Variants in COL26A1 observed in about 807,000 individuals in gnomAD.
COL26A1 encodes collagen alpha-1(XXVI) chain.
In COL26A1, 41 loss-of-function variants were observed where a neutral mutation model predicts 59.3. The ratio of observed to expected loss-of-function variants is 0.69; its 90% CI spans 0.54 to 0.90. The LOEUF (loss-of-function observed/expected upper bound fraction) is 0.90, where lower values mean the gene tolerates loss of function less well. Ranked by LOEUF, COL26A1 falls within the 40% of genes least tolerant of loss-of-function variation. The pLI, the probability that COL26A1 is intolerant of heterozygous loss-of-function variation, is 0.00. For missense variants in COL26A1, 612 were observed against 602.3 expected, an observed-to-expected ratio of 1.02 and a Z score of -0.17; for synonymous variants, 266 against 256.0, an observed-to-expected ratio of 1.04 and a Z score of -0.37.
At chr7:101,548,183 C>T (rs931651396) in intron 8 of COL26A1, among the ~76,000 whole-genome samples, 1 of 152,152 alleles carries the variant, frequency 6.6e-6, no homozygotes, top group Non-Finnish European at 1.5e-5. Context: ...TGACATTTGT[C>T]CCCTGGAGTG....
At chr7:101,453,045 C>T (rs1793382349) in intron 3 of COL26A1, among the ~76,000 whole-genome samples, 3 of 152,150 alleles carry the variant, frequency 2.0e-5, no homozygotes, top group Non-Finnish European at 4.4e-5. Flanking sequence ...GCCACTGTGC[C>T]CGGTCTAAAA....
intron 2 of COL26A1, among the ~76,000 whole-genome samples, chr7:101,427,318 C>T (rs920280571): frequency 3.9e-5 from 6 of 152,120 alleles, no homozygotes. Flanking sequence ...CCACTTCAGC[C>T]TCCTGAGTAG....
intron 3 of COL26A1, among the ~76,000 whole-genome samples, chr7:101,495,261 C>G (rs1025877406): frequency 6.6e-6 from 1 of 152,144 alleles, no homozygotes; most frequent in Admixed American, 6.6e-5. Flanking sequence ...TGCTGGAGAC[C>G]CTGGTAGTCA....
chr7:101,399,731 T>G (rs938200060), intron 1 of COL26A1, among the ~76,000 whole-genome samples: 1 of 152,208 alleles, frequency 6.6e-6, no homozygotes, highest in Admixed American at 6.5e-5. Flanking sequence ...AGTGCTAGGA[T>G]TACAGGCGTG....
intron 1 of COL26A1, among the ~76,000 whole-genome samples, chr7:101,408,732 C>T (rs1030943764): frequency 2.0e-5 from 3 of 152,178 alleles, no homozygotes; most frequent in Non-Finnish European, 2.9e-5. Flanking sequence ...CAGTGCAGGA[C>T]TTCATATTTG....
At chr7:101,419,485 G>T (rs1054549725) in intron 1 of COL26A1, among the ~76,000 whole-genome samples, 2 of 152,104 alleles carry the variant, frequency 1.3e-5, no homozygotes, top group Non-Finnish European at 2.9e-5. Flanking sequence ...TTACACCGCT[G>T]CTTCCCCTGC....
At position 101,426,845 on chromosome 7, in the gene COL26A1, C is replaced by T. The variant is rs73179300; in HGVS notation, c.281+6746C>T. On this transcript the variant is annotated intron_variant, in intron 2 of 12. Coordinates refer to ENST00000313669, the MANE Select transcript of COL26A1 (RefSeq NM_001278563.3). Reference sequence around the variant, plus strand: ...GCACGTCAGCCGAGGCAGCTCCCAGCGGGCAGTTCTGGCCTAGGCATGCCT... The same window carrying T: ...GCACGTCAGCCGAGGCAGCTCCCAGTGGGCAGTTCTGGCCTAGGCATGCCT... Among the ~76,000 whole-genome samples, 269 of 152,244 alleles carry T rather than the reference C, an allele frequency of 1.8e-3. 3 individuals are homozygous for T. The Middle Eastern group carries it at 0.031, about 17-fold the overall frequency.
intron 2 of COL26A1, among the ~76,000 whole-genome samples, chr7:101,444,433 G>C (rs1174954558): frequency 1.1e-5 from 1 of 87,780 alleles, no homozygotes; most frequent in East Asian, 3.2e-4. Context: ...TTTTTTTTTT[G>C]AGACAGAGTT....
chr7:101,534,598 C>T (rs1337883674), intron 4 of COL26A1, among the ~76,000 whole-genome samples: 2 of 151,492 alleles, frequency 1.3e-5, no homozygotes, highest in Non-Finnish European at 2.9e-5. Flanking sequence ...TGCACGGATA[C>T]TCAGGCATAC....
intron 2 of COL26A1, among the ~76,000 whole-genome samples, chr7:101,440,952 G>C (rs903476181): frequency 6.7e-6 from 1 of 150,146 alleles, no homozygotes; most frequent in African/African-American, 2.5e-5. Flanking sequence ...ACTCCAGCCT[G>C]GCGACAGAGA....
intron 3 of COL26A1, among the ~76,000 whole-genome samples, chr7:101,523,179 C>T (rs1289782661): frequency 2.6e-5 from 4 of 151,894 alleles, no homozygotes; most frequent in Non-Finnish European, 5.9e-5. Flanking sequence ...AAGCCATTCT[C>T]CTGCCTCAGT....
At chr7:101,526,333 G>A (rs1795248169) in intron 3 of COL26A1, among the ~76,000 whole-genome samples, 3 of 152,184 alleles carry the variant, frequency 2.0e-5, no homozygotes, top group South Asian at 4.1e-4. Flanking sequence ...ATAAGCATAA[G>A]CCACTGCTCC....
At chr7:101,456,536 T>C (rs1793477210) in intron 3 of COL26A1, among the ~76,000 whole-genome samples, 1 of 152,018 alleles carries the variant, frequency 6.6e-6, no homozygotes, top group African/African-American at 2.4e-5. Context: ...TGGTGGCACA[T>C]GCCTCTAATC....
intron 3 of COL26A1, among the ~76,000 whole-genome samples, chr7:101,517,550 G>A (rs1000159944): frequency 1.5e-4 from 23 of 152,116 alleles, no homozygotes; most frequent in Non-Finnish European, 2.4e-4. Context: ...CAGATCTCGC[G>A]AGACTTACTC....
intron 3 of COL26A1, among the ~76,000 whole-genome samples, chr7:101,496,457 C>T (rs1794586872): frequency 6.6e-6 from 1 of 152,096 alleles, no homozygotes; most frequent in East Asian, 1.9e-4. Flanking sequence ...TTGGAGTGGG[C>T]TGAAGTGTGG....
At chr7:101,542,817 G>A (rs1209535713) in intron 5 of COL26A1, among the ~76,000 whole-genome samples, 2 of 152,254 alleles carry the variant, frequency 1.3e-5, no homozygotes, top group African/African-American at 4.8e-5. Context: ...CCCTCGAGCC[G>A]CTGTCCCTAA....
Position 101,402,717 on chromosome 7 carries a change from C to G in COL26A1, c.159-17260C>G, listed in dbSNP as rs368292327. Among the ~76,000 whole-genome samples, 25 of 123,100 alleles carry G rather than the reference C, an allele frequency of 2.0e-4. No individual in the cohort carries two copies. The East Asian group carries it at 2.5e-3, about 12-fold the overall frequency. The allele number at this position is 123,100 out of a possible 152,430, so 80.8% of individuals were successfully genotyped here. ...ACTGCTTCCTTTCATTTCTTTCTCTCTTTCTCTCCTTCTTTCCCTTCCTTC... is the reference window on the plus strand; with the variant it reads ...ACTGCTTCCTTTCATTTCTTTCTCTGTTTCTCTCCTTCTTTCCCTTCCTTC... On this transcript the variant is annotated intron_variant, in intron 1 of 12. Coordinates refer to ENST00000313669, the MANE Select transcript of COL26A1 (RefSeq NM_001278563.3).
chr7:101,477,207 A>T (rs912298251), intron 3 of COL26A1, among the ~76,000 whole-genome samples: 2 of 152,082 alleles, frequency 1.3e-5, no homozygotes, highest in African/African-American at 4.8e-5. Context: ...ACTCAGGTAG[A>T]CTGGAATCTC....
intron 1 of COL26A1, among the ~76,000 whole-genome samples, chr7:101,418,307 A>ATGTG (rs10688807): frequency 0.17 from 26,378 of 151,682 alleles, 2,756 homozygotes; most frequent in Non-Finnish European, 0.24. Context: ...CTGTGCCCCC[A>ATGTG]TGTGGCTCCT....
Sources: gnomAD v4.1 joint callset for allele counts (sites outside exome capture counted in the v4.1 genomes callset) on GRCh38, gnomAD v4.1.1 for gene constraint, MANE v1.5 for transcripts, NCBI Gene and HGNC (gene_info 2026-07-23, HGNC 2026-07-21) for gene names.